The following OR2C1 variants were observed in gnomAD, a reference collection of about 807,000 sequenced individuals.
The protein encoded by OR2C1 is olfactory receptor family 2 subfamily C member 1.
For synonymous variants in OR2C1, 209 were observed against 167.3 expected (o/e 1.25, Z -1.92); for missense variants, 468 against 388.3 (o/e 1.21, Z -1.73).
rs751289606 is a variant in OR2C1 at position 3,356,890 on chromosome 16, C to T, written c.*11C>T. On this transcript the variant is annotated 3_prime_UTR_variant, in exon 1 of 1. Coordinates refer to ENST00000304936, the MANE Select transcript of OR2C1 (RefSeq NM_012368.3). ...AGAGAAGTTGGCTGAGAGAACACTCCTTCGTTATTTATTGCGTCTTCATCT... is the reference window on the plus strand; with the variant it reads ...AGAGAAGTTGGCTGAGAGAACACTCTTTCGTTATTTATTGCGTCTTCATCT... The T allele has an allele frequency of 3.9e-6, 6 of 1,546,380 alleles. No individual in the cohort carries two copies. The highest frequency in any genetic ancestry group is 2.0e-5 in the Admixed American group (1 of 50,454).
At chr16:3,355,846 T>C, upstream of OR2C1, 4 of 864,052 alleles carry the variant, frequency 4.6e-6, no homozygotes, top group Middle Eastern at 3.6e-4. Flanking sequence ...AGACCGTTCC[T>C]GATGCAAATC....
At chr16:3,333,379 C>T in the OR2C1 span, among the ~76,000 whole-genome samples, 4 of 151,798 alleles carry the variant, frequency 2.6e-5, no homozygotes, top group African/African-American at 9.7e-5. Flanking sequence ...CTCTGTTGCC[C>T]AGGCTGGAGT....
At chr16:3,327,384 A>G in the OR2C1 span, among the ~76,000 whole-genome samples, 1 of 152,070 alleles carries the variant, frequency 6.6e-6, no homozygotes, top group Non-Finnish European at 1.5e-5. Flanking sequence ...ATCTTTGGGG[A>G]ACAGTTCCTA....
At chr16:3,353,489 CAAAA>C (rs58703245), upstream of OR2C1, among the ~76,000 whole-genome samples, 722 of 82,956 alleles carry the variant, frequency 8.7e-3, 8 homozygotes, top group African/African-American at 0.03. Flanking sequence ...GACTCCGTCT[CAAAA>C]AAAAAAAAAA....
chr16:3,323,064 C>T, the OR2C1 span: 6 of 596,326 alleles, frequency 1.0e-5, no homozygotes, highest in Admixed American at 2.0e-4. Flanking sequence ...CCTTCCTTTC[C>T]AGTTTTTGAA....
At chr16:3,329,048 A>G in the OR2C1 span, among the ~76,000 whole-genome samples, 1 of 151,876 alleles carries the variant, frequency 6.6e-6, no homozygotes, top group African/African-American at 2.4e-5. Context: ...AGGCAGGAGT[A>G]CAATGGCATG....
At chr16:3,330,181 A>G in the OR2C1 span, among the ~76,000 whole-genome samples, 1 of 149,150 alleles carries the variant, frequency 6.7e-6, no homozygotes, top group African/African-American at 2.5e-5. Context: ...ATCTCGGCCC[A>G]CTGCAAGCTC....
chr16:3,338,903 A>G, the OR2C1 span, among the ~76,000 whole-genome samples: 1 of 152,170 alleles, frequency 6.6e-6, no homozygotes, highest in Admixed American at 6.6e-5. Flanking sequence ...GAAGAATTTA[A>G]TGACATTTAG....
chr16:3,325,292 T>C, the OR2C1 span, among the ~76,000 whole-genome samples: 1 of 151,804 alleles, frequency 6.6e-6, no homozygotes, highest in African/African-American at 2.4e-5. Flanking sequence ...TATTTACTTA[T>C]TTTTTAATAG....
At chr16:3,345,066 A>T in the OR2C1 span, among the ~76,000 whole-genome samples, 1 of 152,174 alleles carries the variant, frequency 6.6e-6, no homozygotes, top group Non-Finnish European at 1.5e-5. Context: ...ATAAAATATG[A>T]TAGATGCATA....
the OR2C1 span, among the ~76,000 whole-genome samples, chr16:3,341,892 A>T: frequency 8.2e-4 from 125 of 152,334 alleles, no homozygotes; most frequent in Admixed American, 5.8e-3. Context: ...TCCAAGCTTC[A>T]AAGCATGTCT....
At chr16:3,344,367 A>G in the OR2C1 span, among the ~76,000 whole-genome samples, 1 of 152,356 alleles carries the variant, frequency 6.6e-6, no homozygotes, top group Non-Finnish European at 1.5e-5. Flanking sequence ...GTCCAACCTC[A>G]TTAGTAATCA....
At chr16:3,345,311 C>T in the OR2C1 span, among the ~76,000 whole-genome samples, 4 of 151,650 alleles carry the variant, frequency 2.6e-5, no homozygotes, top group Non-Finnish European at 4.4e-5. Context: ...GGTGAAACCC[C>T]GTCTCTACTA....
At chr16:3,337,375 C>A in the OR2C1 span, among the ~76,000 whole-genome samples, 1 of 146,826 alleles carries the variant, frequency 6.8e-6, no homozygotes, top group Non-Finnish European at 1.5e-5. Context: ...CACCATGTTG[C>A]CTGGGCTGGT....
the OR2C1 span, among the ~76,000 whole-genome samples, chr16:3,340,263 A>G: frequency 6.7e-6 from 1 of 149,072 alleles, no homozygotes; most frequent in Admixed American, 6.7e-5. Context: ...TGTGCAAAAG[A>G]GCAAAACTCT....
chr16:3,334,450 T>A, the OR2C1 span, among the ~76,000 whole-genome samples: 8 of 151,026 alleles, frequency 5.3e-5, no homozygotes, highest in East Asian at 2.0e-4. Flanking sequence ...TAATTTTTTT[T>A]AAGTTTTTGT....
At chr16:3,351,220 C>CTTTTCTTTT (rs2030568599), upstream of OR2C1, among the ~76,000 whole-genome samples, 1 of 18,654 alleles carries the variant, frequency 5.4e-5, no homozygotes, top group Non-Finnish European at 1.0e-4. Flanking sequence ...TTTTCTTTTT[C>CTTTTCTTTT]TTTTTCTTTT....
chr16:3,325,043 A>G, the OR2C1 span, among the ~76,000 whole-genome samples: 1 of 152,160 alleles, frequency 6.6e-6, no homozygotes, highest in Non-Finnish European at 1.5e-5. Flanking sequence ...GTGCAATGGC[A>G]TGATCTCAGT....
chr16:3,325,472 T>A, the OR2C1 span, among the ~76,000 whole-genome samples: 14 of 29,220 alleles, frequency 4.8e-4, no homozygotes, highest in East Asian at 0.018. Flanking sequence ...TATATATATA[T>A]ATATATATAT....
Sources: gnomAD v4.1 joint callset for allele counts (sites outside exome capture counted in the v4.1 genomes callset) on GRCh38, gnomAD v4.1.1 for gene constraint, MANE v1.5 for transcripts, NCBI Gene and HGNC (gene_info 2026-07-23, HGNC 2026-07-21) for gene names.